WDR49: variants seen among roughly 807,000 people sequenced by gnomAD.
WDR49 encodes cilia- and flagella-associated protein 337.
A neutral mutation model predicts 119.5 loss-of-function variants in WDR49; 107 were observed. The observed-to-expected ratio is 0.90, with a 90% CI of 0.77 to 1.05. WDR49 has a LOEUF of 1.05. Among genes scored for constraint, WDR49 ranks in the 50% least tolerant of loss-of-function variants. The pLI is 0.00. For missense variants in WDR49, 1,240 were observed against 1,220.5 expected (o/e 1.02, Z -0.24); for synonymous variants, 425 against 418.8 (o/e 1.01, Z -0.18).
rs763794881 is a variant in WDR49, at chr3:167,500,836, C to T, written c.2885-537G>A. Among the ~76,000 whole-genome samples, 7 of 152,274 alleles carry T rather than the reference C, an allele frequency of 4.6e-5. No individual in the cohort carries two copies. The East Asian group carries it at 9.6e-4, about 21-fold the overall frequency. ...CTTGAACAAAGTAAAAGATATTTCT[C>T]TTTGCTTCATGTAGTAATTGGATAA... On this transcript the variant is annotated intron_variant, in intron 17 of 18. Transcript: ENST00000682715.
chr3:167,544,814 T>C (rs1274785364), intron 10 of WDR49, among the ~76,000 whole-genome samples: 1 of 151,742 alleles, frequency 6.6e-6, no homozygotes, highest in East Asian at 1.9e-4. Flanking sequence ...CAAAATCAAA[T>C]GCAACAAAAC....
Position 167,527,939 on chromosome 3 carries a change from G to A in WDR49, c.2485C>T (p.Arg829Ter), listed in dbSNP as rs143601672. 17 of 1,613,130 alleles carry A rather than the reference G, an allele frequency of 1.1e-5. No individual in the cohort carries two copies. The African/African-American group carries it at 1.2e-4, about 11-fold the overall frequency. The stretch of plus-strand genomic sequence containing the variant: ...TCACACATCTCTAAGGAACTTATTC[G>A]GTCCTCATGAGGTTGGAATGATCTT... ...LIRSFQPHED[R>*]ISSLEMCEPG... The change falls in exon 15 of 19, where the codon CGA becomes TGA. Residue 829 changes from arginine (R) to a stop codon, truncating the protein, a stop_gained. Coordinates refer to ENST00000682715, the MANE Select transcript of WDR49 (RefSeq NM_001366157.1). LOFTEE classifies it high-confidence loss of function.
chr3:167,640,840 G>A (rs1717847752), intron 2 of WDR49, among the ~76,000 whole-genome samples: 1 of 151,694 alleles, frequency 6.6e-6, no homozygotes, highest in Non-Finnish European at 1.5e-5. Context: ...GATGGCAGAG[G>A]GTTGCATGGT....
chr3:167,635,273 G>T (rs1225229305), intron 2 of WDR49, among the ~76,000 whole-genome samples: 1 of 151,636 alleles, frequency 6.6e-6, no homozygotes, highest in Non-Finnish European at 1.5e-5. Flanking sequence ...CTTCTAAAAG[G>T]TTAAATAAAT....
At chr3:167,509,677 C>G (rs1409374853) in intron 16 of WDR49, among the ~76,000 whole-genome samples, 1 of 152,132 alleles carries the variant, frequency 6.6e-6, no homozygotes, top group Non-Finnish European at 1.5e-5. Flanking sequence ...CCTTTTGACT[C>G]AGCAATTCCT....
chr3:167,640,027 T>A (rs1012308483), intron 2 of WDR49, among the ~76,000 whole-genome samples: 3 of 151,834 alleles, frequency 2.0e-5, no homozygotes, highest in African/African-American at 7.2e-5. Context: ...AAACTCCTAC[T>A]TTATTATTTC....
At chr3:167,539,421 A>G (rs1475964348) in intron 10 of WDR49, among the ~76,000 whole-genome samples, 1 of 152,024 alleles carries the variant, frequency 6.6e-6, no homozygotes, top group African/African-American at 2.4e-5. Context: ...CTACCTATTC[A>G]CACACCAACT....
chr3:167,479,707 A>G (rs1750625540), intron 18 of WDR49, among the ~76,000 whole-genome samples: 1 of 152,238 alleles, frequency 6.6e-6, no homozygotes, highest in Admixed American at 6.5e-5. Flanking sequence ...CATATACAAT[A>G]AGATATCATT....
At chr3:167,592,546 T>C (rs1257745221) in intron 7 of WDR49, among the ~76,000 whole-genome samples, 2 of 151,626 alleles carry the variant, frequency 1.3e-5, no homozygotes, top group Admixed American at 1.3e-4. Flanking sequence ...GAGATTCTCC[T>C]GCCTCAGCTT....
intron 16 of WDR49, among the ~76,000 whole-genome samples, chr3:167,514,398 T>A (rs1199911586): frequency 6.6e-6 from 1 of 152,014 alleles, no homozygotes; most frequent in Non-Finnish European, 1.5e-5. Context: ...AGAAGTTCCT[T>A]GAAACTAATG....
At chr3:167,484,152 T>C (rs896941844) in intron 18 of WDR49, among the ~76,000 whole-genome samples, 2 of 152,176 alleles carry the variant, frequency 1.3e-5, no homozygotes, top group African/African-American at 2.4e-5. Flanking sequence ...TGAAGTCAAA[T>C]ATTAATATAA....
At chr3:167,604,069 A>G (rs1215714197) in intron 6 of WDR49, among the ~76,000 whole-genome samples, 1 of 152,166 alleles carries the variant, frequency 6.6e-6, no homozygotes. Flanking sequence ...TAATTAAAAA[A>G]AAAACTCATT....
At chr3:167,524,001 G>T (rs770679842) in intron 15 of WDR49, among the ~76,000 whole-genome samples, 7 of 151,982 alleles carry the variant, frequency 4.6e-5, no homozygotes, top group Non-Finnish European at 7.4e-5. Flanking sequence ...GAACTAATTT[G>T]CACTCTCACC....
rs534215674 is a variant in WDR49 at position 167,545,428 on chromosome 3, A to G, written c.1824-8428T>C. ...TATAGCAGCACAATTCATAACTGCA[A>G]AAATATGGAACCAGCCCAAATGCCC... On this transcript the variant is annotated intron_variant, in intron 10 of 18. Coordinates refer to ENST00000682715, the MANE Select transcript of WDR49 (RefSeq NM_001366157.1). 3.3e-5 allele frequency among the ~76,000 whole-genome samples: 5 copies of G among 149,932 alleles called. No individual in the cohort carries two copies. In the East Asian group the frequency reaches 9.7e-4, roughly 29 times the overall value.
rs897571682 is a variant in WDR49 at position 167,653,347 on chromosome 3, C to A, written c.79G>T (p.Val27Leu). ...GTGCCATAGTCTTCAAATGCAGTTA[C>A]ACCTTCTGTTCTCTCAGGACTCTTT... is the stretch of plus-strand genomic sequence containing the variant. ...GPKSPERTEG[V>L]TAFEDYGTGL... Residue 27 changes from valine (V) to leucine (L), a missense_variant, in exon 2 of 19, where the codon GTA (valine) becomes TTA (leucine). Val to Leu is a conservative substitution (Grantham distance 32, BLOSUM62 1). Transcript: ENST00000682715. 2 of 1,536,044 alleles carry A rather than the reference C, an allele frequency of 1.3e-6. No individual in the cohort carries two copies. The highest frequency in any genetic ancestry group is 2.7e-5 in the African/African-American group (2 of 73,056).
At chr3:167,516,622 G>A (rs973660804) in intron 16 of WDR49, among the ~76,000 whole-genome samples, 1 of 152,024 alleles carries the variant, frequency 6.6e-6, no homozygotes, top group Non-Finnish European at 1.5e-5. Context: ...CCCAGTAATG[G>A]GATGGCTGGG....
At chr3:167,535,843 C>G (rs987916954) in intron 11 of WDR49, among the ~76,000 whole-genome samples, 25 of 152,024 alleles carry the variant, frequency 1.6e-4, no homozygotes, top group African/African-American at 6.0e-4. Flanking sequence ...AAATGTCCAT[C>G]AATGAATAAA....
At chr3:167,497,364 C>A (rs1281966592) in intron 18 of WDR49, among the ~76,000 whole-genome samples, 1 of 151,990 alleles carries the variant, frequency 6.6e-6, no homozygotes, top group African/African-American at 2.4e-5. Context: ...AAATAAAAAA[C>A]CAAAAGAAAG....
intron 7 of WDR49, among the ~76,000 whole-genome samples, chr3:167,593,588 T>A (rs1179015229): frequency 6.6e-6 from 1 of 152,142 alleles, no homozygotes; most frequent in African/African-American, 2.4e-5. Context: ...ATATCTCTGT[T>A]TCTCCAGGAT....
Sources: allele counts gnomAD v4.1 joint callset (sites outside exome capture counted in the v4.1 genomes callset), GRCh38; gene constraint gnomAD v4.1.1; transcripts MANE v1.5; gene names NCBI Gene and HGNC (gene_info 2026-07-23, HGNC 2026-07-21).